The following MEGF10 variants were observed in gnomAD, a reference collection of about 807,000 sequenced individuals.
The protein encoded by MEGF10 is multiple epidermal growth factor-like domains protein 10.
Under a neutral mutation model 147.5 loss-of-function variants are expected in MEGF10, and 86 were observed. The observed-to-expected ratio is 0.58, with a 90% CI of 0.49 to 0.70. The LOEUF (loss-of-function observed/expected upper bound fraction) is 0.70. Ranked by LOEUF, MEGF10 falls within the 30% of genes least tolerant of loss-of-function variation. The pLI is 0.00. For synonymous variants in MEGF10, 478 were observed against 525.5 expected, an observed-to-expected ratio of 0.91 and a Z score of 1.24; for missense variants, 1,329 against 1,487.3, an observed-to-expected ratio of 0.89 and a Z score of 1.75.
intron 5 of MEGF10, among the ~76,000 whole-genome samples, chr5:127,390,485 C>T (rs1381422629): frequency 6.6e-6 from 1 of 152,024 alleles, no homozygotes; most frequent in African/African-American, 2.4e-5. Context: ...GAGATAGGGG[C>T]TTGCTGTGTT....
At chr5:127,381,666 T>A (rs1011711958) in intron 5 of MEGF10, among the ~76,000 whole-genome samples, 1 of 152,168 alleles carries the variant, frequency 6.6e-6, no homozygotes, top group African/African-American at 2.4e-5. Context: ...TGTTTCTTTT[T>A]GTTTTTGTTT....
chr5:127,280,142 GA>G, the MEGF10 span, among the ~76,000 whole-genome samples: 6 of 152,084 alleles, frequency 3.9e-5, no homozygotes, highest in African/African-American at 1.4e-4. Context: ...ATTTTAACAT[GA>G]AAACATACAA....
chr5:127,344,809 T>A (rs1303872833), intron 4 of MEGF10, among the ~76,000 whole-genome samples: 4 of 152,362 alleles, frequency 2.6e-5, no homozygotes, highest in Middle Eastern at 3.4e-3. Flanking sequence ...AGTAAATAGA[T>A]CTTACACATG....
chr5:127,389,480 T>C (rs890507018), intron 5 of MEGF10, among the ~76,000 whole-genome samples: 1 of 152,218 alleles, frequency 6.6e-6, no homozygotes, highest in South Asian at 2.1e-4. Context: ...TCAATGTTCA[T>C]TGCAGCCCTG....
At chr5:127,415,069 A>G (rs1183617659) in intron 9 of MEGF10, among the ~76,000 whole-genome samples, 11 of 149,986 alleles carry the variant, frequency 7.3e-5, no homozygotes, top group Non-Finnish European at 1.6e-4. Context: ...ACGCCCCTAA[A>G]TTGAAAAAAA....
At chr5:127,406,403 T>G (rs898737908) in intron 8 of MEGF10, among the ~76,000 whole-genome samples, 14 of 152,242 alleles carry the variant, frequency 9.2e-5, no homozygotes, top group African/African-American at 3.1e-4. Flanking sequence ...CTGTTATCCC[T>G]GTCTGGGCTC....
At chr5:127,309,947 CTCTTTCTTTCTTTCTTTCTT>C (rs745938777) in intron 1 of MEGF10, among the ~76,000 whole-genome samples, 1 of 90,396 alleles carries the variant, frequency 1.1e-5, no homozygotes, top group Non-Finnish European at 2.3e-5. Context: ...TCCTTGCCAA[CTCTTTCTTTCTTTCTTTCTT>C]TCTTTCTTTC....
the MEGF10 span, among the ~76,000 whole-genome samples, chr5:127,237,509 GTTAT>G: frequency 6.6e-6 from 1 of 152,010 alleles, no homozygotes; most frequent in Admixed American, 6.6e-5. Context: ...ATAAAAAAAA[GTTAT>G]TTAACTTTGA....
intron 13 of MEGF10, chr5:127,424,446 A>G: frequency 8.8e-7 from 1 of 1,132,080 alleles, no homozygotes; most frequent in Non-Finnish European, 1.3e-6. Flanking sequence ...TTGAATCTAT[A>G]GATCAATTTG....
intron 4 of MEGF10, among the ~76,000 whole-genome samples, chr5:127,352,729 A>G (rs770546990): frequency 6.6e-6 from 1 of 152,204 alleles, no homozygotes; most frequent in Non-Finnish European, 1.5e-5. Flanking sequence ...GGCCAGGACC[A>G]GGGTGGGAGA....
rs749845473 is a variant in MEGF10 at position 127,386,935 on chromosome 5, A to G, written c.413-9597A>G. 2.0e-4 allele frequency among the ~76,000 whole-genome samples: 30 copies of G among 152,250 alleles called. 1 individual carries two copies. The highest frequency in any genetic ancestry group is 6.2e-4 in the South Asian group (3 of 4,822). On this transcript the variant is annotated intron_variant, in intron 5 of 24. Transcript: ENST00000503335. ...GTAATTAGTGTGTTCCACCATCTTC[A>G]TTTTACAACAAATAAAGGTTGGGGA...
chr5:127,259,327 G>A, the MEGF10 span, among the ~76,000 whole-genome samples: 83,674 of 151,966 alleles, frequency 0.55, 23,455 homozygotes, highest in Middle Eastern at 0.71. Flanking sequence ...TGATCTAACA[G>A]TCTCTATTTT....
intron 8 of MEGF10, among the ~76,000 whole-genome samples, chr5:127,405,595 G>A (rs1223597716): frequency 6.6e-6 from 1 of 151,886 alleles, no homozygotes; most frequent in African/African-American, 2.4e-5. Context: ...TATGTATAAT[G>A]ATTATTTCAT....
At chr5:127,365,036 T>C (rs1219765195) in intron 4 of MEGF10, among the ~76,000 whole-genome samples, 1 of 152,194 alleles carries the variant, frequency 6.6e-6, no homozygotes, top group African/African-American at 2.4e-5. Context: ...ACTCTAAAAC[T>C]CTATATTCCT....
the MEGF10 span, among the ~76,000 whole-genome samples, chr5:127,266,246 T>C: frequency 1.3e-5 from 2 of 151,964 alleles, no homozygotes; most frequent in African/African-American, 4.8e-5. Context: ...TGTGGTGTTA[T>C]TTCTGAGGCC....
rs772563644 is a variant in MEGF10 at position 127,331,302 on chromosome 5, G to GA, written c.1dup. The GA allele has an allele frequency of 1.1e-5, 18 of 1,573,206 alleles. No individual in the cohort carries two copies. In the East Asian group the frequency reaches 1.3e-4, roughly 12 times the overall value. On this transcript the variant is annotated 5_prime_UTR_variant, in exon 2 of 25. Transcript: ENST00000503335. ...TTTCTTTCTTGTAGGTTGTTCTTCAGAAAAAAATGGTTATTTCTTTGAACT... is the reference window on the plus strand; with the variant it reads ...TTTCTTTCTTGTAGGTTGTTCTTCAGAAAAAAAATGGTTATTTCTTTGAACT...
At chr5:127,293,743 T>C (rs1759368483) in intron 1 of MEGF10, among the ~76,000 whole-genome samples, 1 of 152,210 alleles carries the variant, frequency 6.6e-6, no homozygotes, top group African/African-American at 2.4e-5. Context: ...CCTGGGTGCA[T>C]GTTGAAAATA....
At chr5:127,363,740 T>G (rs1335719109) in intron 4 of MEGF10, among the ~76,000 whole-genome samples, 1 of 152,152 alleles carries the variant, frequency 6.6e-6, no homozygotes, top group Non-Finnish European at 1.5e-5. Flanking sequence ...CTATAAGGAA[T>G]GGAGAGAAAA....
At chr5:127,358,657 G>A (rs916497417) in intron 4 of MEGF10, among the ~76,000 whole-genome samples, 2 of 152,162 alleles carry the variant, frequency 1.3e-5, no homozygotes, top group African/African-American at 2.4e-5. Context: ...TGTCCCAAAT[G>A]AAGGTACCTT....
Sources: allele counts gnomAD v4.1 joint callset (sites outside exome capture counted in the v4.1 genomes callset), GRCh38; gene constraint gnomAD v4.1.1; transcripts MANE v1.5; gene names NCBI Gene and HGNC (gene_info 2026-07-23, HGNC 2026-07-21).